Variants in EPHA5 observed in about 807,000 individuals in gnomAD.
EPHA5 encodes the protein EPH receptor A5, also known as ephrin type-A receptor 5.
Under a neutral mutation model 105.0 loss-of-function variants are expected in EPHA5, and 60 were observed. The ratio of observed to expected loss-of-function variants is 0.57; its 90% CI spans 0.46 to 0.71. EPHA5 has a LOEUF of 0.71. EPHA5 is among the 30% of genes least tolerant of loss of function. EPHA5 has a pLI of 0.00. For synonymous variants in EPHA5, 513 were observed against 449.1 expected, an observed-to-expected ratio of 1.14 and a Z score of -1.80; for missense variants, 1,218 against 1,274.7, an observed-to-expected ratio of 0.96 and a Z score of 0.68.
At chr4:65,519,633 G>C (rs1202170296) in intron 3 of EPHA5, among the ~76,000 whole-genome samples, 1 of 152,062 alleles carries the variant, frequency 6.6e-6, no homozygotes, top group Non-Finnish European at 1.5e-5. Context: ...AAACCCCATC[G>C]TCTCAGCCCA....
chr4:65,415,832 G>A (rs1480855272), intron 6 of EPHA5, among the ~76,000 whole-genome samples: 1 of 151,896 alleles, frequency 6.6e-6, no homozygotes, highest in Non-Finnish European at 1.5e-5. Context: ...CCTTCTGTAT[G>A]CTAGGATCAT....
At chr4:65,355,751 G>A (rs952994038) in intron 11 of EPHA5, among the ~76,000 whole-genome samples, 2 of 151,528 alleles carry the variant, frequency 1.3e-5, no homozygotes, top group African/African-American at 2.4e-5. Context: ...AGAACTCAGC[G>A]AAGAAACTGT....
chr4:65,669,531 G>A, intron 1 of EPHA5, 31 bp downstream of exon 1: 2 of 1,352,934 alleles, frequency 1.5e-6, no homozygotes, highest in Non-Finnish European at 1.9e-6. Context: ...TCCGCCCCAG[G>A]TCGCCACGGT....
intron 6 of EPHA5, among the ~76,000 whole-genome samples, chr4:65,417,413 T>A (rs780696679): frequency 8.5e-5 from 13 of 152,204 alleles, no homozygotes; most frequent in Non-Finnish European, 1.5e-4. Context: ...TTAAAAAATC[T>A]TTATAGGTAT....
At chr4:65,484,053 G>C (rs534876027) in intron 5 of EPHA5, among the ~76,000 whole-genome samples, 72 of 152,242 alleles carry the variant, frequency 4.7e-4, no homozygotes, top group Non-Finnish European at 4.1e-4. Context: ...GGTGGTTCAA[G>C]TACAGGCAAT....
At chr4:65,667,469 A>AT (rs1750058033) in intron 1 of EPHA5, among the ~76,000 whole-genome samples, 1 of 152,078 alleles carries the variant, frequency 6.6e-6, no homozygotes, top group Non-Finnish European at 1.5e-5. Flanking sequence ...GGTACATCTC[A>AT]TTTTTGATTA....
chr4:65,481,106 A>T (rs551793106), intron 5 of EPHA5, among the ~76,000 whole-genome samples: 3 of 152,230 alleles, frequency 2.0e-5, no homozygotes, highest in Non-Finnish European at 4.4e-5. Flanking sequence ...TCCACCATAA[A>T]CTCATGAGAA....
intron 8 of EPHA5, among the ~76,000 whole-genome samples, chr4:65,369,596 T>C (rs1718257869): frequency 6.6e-6 from 1 of 152,174 alleles, no homozygotes; most frequent in South Asian, 2.1e-4. Flanking sequence ...TATATTTTGT[T>C]GTCATTTTAC....
rs199624958 is a variant in EPHA5 at position 65,465,533 on chromosome 4, A to AAAGGAAAGG, written c.1402+24835_1402+24843dup. ...AAAGAAAGAAAGAAAGAAAGAAAAG[A>AAAGGAAAGG]AAGGAAAGGAAGGAAAGGAAGGAAA... On this transcript the variant is annotated intron_variant, in intron 5 of 16. Coordinates refer to ENST00000613740, the MANE Select transcript of EPHA5 (RefSeq NM_001281766.3). Among the ~76,000 whole-genome samples, 59 of 69,712 alleles carry AAAGGAAAGG rather than the reference A, an allele frequency of 8.5e-4. 3 individuals carry two copies. The highest frequency in any genetic ancestry group is 3.0e-3 in the East Asian group (7 of 2,368). The allele number at this position is 69,712 out of a possible 152,430, so 45.7% of individuals were successfully genotyped here.
chr4:65,657,637 A>G (rs2149541560), intron 1 of EPHA5, among the ~76,000 whole-genome samples: 1 of 152,268 alleles, frequency 6.6e-6, no homozygotes, highest in Middle Eastern at 3.4e-3. Context: ...AGAGATTCTG[A>G]ACTCTATTGG....
intron 3 of EPHA5, among the ~76,000 whole-genome samples, chr4:65,531,313 A>G (rs531503853): frequency 6.6e-6 from 1 of 152,246 alleles, no homozygotes; most frequent in South Asian, 2.1e-4. Flanking sequence ...CTGGGATTAC[A>G]GGCGTGAGCC....
At chr4:65,481,877 C>T (rs988486828) in intron 5 of EPHA5, among the ~76,000 whole-genome samples, 2 of 152,148 alleles carry the variant, frequency 1.3e-5, no homozygotes, top group Non-Finnish European at 2.9e-5. Flanking sequence ...AATTAGTTGA[C>T]CAAAATCTGA....
intron 12 of EPHA5, among the ~76,000 whole-genome samples, chr4:65,352,547 C>T (rs965061734): frequency 2.0e-5 from 3 of 151,838 alleles, no homozygotes; most frequent in Non-Finnish European, 2.9e-5. Context: ...TGTCAATTAC[C>T]ACGTGAACTC....
chr4:65,420,791 A>G (rs1296176673), intron 5 of EPHA5, among the ~76,000 whole-genome samples: 2 of 152,072 alleles, frequency 1.3e-5, no homozygotes, highest in East Asian at 1.9e-4. Context: ...TTTGTATTCT[A>G]TATTGTTTCC....
intron 5 of EPHA5, among the ~76,000 whole-genome samples, chr4:65,440,525 C>CACACACACAA (rs1411045707): frequency 4.0e-4 from 60 of 151,700 alleles, no homozygotes; most frequent in Non-Finnish European, 6.8e-4. Flanking sequence ...CACACACACA[C>CACACACACAA]ACACACACAG....
At chr4:65,377,051 A>G (rs764384757) in intron 8 of EPHA5, 6 of 1,609,284 alleles carry the variant, frequency 3.7e-6, no homozygotes, top group Middle Eastern at 1.7e-4. Context: ...TCCCACAGCC[A>G]CATTCGCAGC....
intron 3 of EPHA5, among the ~76,000 whole-genome samples, chr4:65,559,554 C>G (rs1255979278): frequency 6.6e-6 from 1 of 152,126 alleles, no homozygotes. Context: ...CTCTGCAAAA[C>G]AGTGTGACCA....
At chr4:65,408,839 G>C (rs539200536) in intron 7 of EPHA5, among the ~76,000 whole-genome samples, 44 of 151,700 alleles carry the variant, frequency 2.9e-4, no homozygotes, top group Middle Eastern at 6.8e-3. Context: ...CCCATTACTG[G>C]GTATATACCC....
intron 5 of EPHA5, among the ~76,000 whole-genome samples, chr4:65,464,920 A>C (rs1023195087): frequency 3.3e-5 from 5 of 152,124 alleles, no homozygotes; most frequent in African/African-American, 1.2e-4. Context: ...AACAGTACTA[A>C]TCACTAACAA....
Sources: gnomAD v4.1 joint callset for allele counts (sites outside exome capture counted in the v4.1 genomes callset) on GRCh38, gnomAD v4.1.1 for gene constraint, MANE v1.5 for transcripts, NCBI Gene and HGNC (gene_info 2026-07-23, HGNC 2026-07-21) for gene names.